CELF2: variants seen among roughly 807,000 people sequenced by gnomAD.
CELF2 encodes CUGBP Elav-like family member 2.
CELF2 carries 8 observed loss-of-function variants against 62.6 expected under a neutral mutation model. That is an observed-to-expected ratio of 0.13 (90% CI 0.07 to 0.23). The LOEUF is 0.23. Among genes scored for constraint, CELF2 ranks in the 10% least tolerant of loss-of-function variants. CELF2 has a pLI of 1.00. For missense variants in CELF2, 333 were observed against 671.0 expected, an observed-to-expected ratio of 0.50 and a Z score of 5.56; for synonymous variants, 258 against 250.0, an observed-to-expected ratio of 1.03 and a Z score of -0.30.
At chr10:10,503,215 A>T in the CELF2 span, among the ~76,000 whole-genome samples, 1,920 of 151,998 alleles carry the variant, frequency 0.013, 42 homozygotes, top group African/African-American at 0.045. Context: ...GCTGAGTGGG[A>T]TATTCTATAA....
intron 1 of CELF2, among the ~76,000 whole-genome samples, chr10:10,874,976 A>G (rs1333353907): frequency 6.6e-6 from 1 of 152,216 alleles, no homozygotes; most frequent in East Asian, 1.9e-4. Context: ...ATTAAAATTG[A>G]TCAAAGATGA....
At chr10:10,600,020 C>T in the CELF2 span, among the ~76,000 whole-genome samples, 2 of 152,148 alleles carry the variant, frequency 1.3e-5, no homozygotes, top group Non-Finnish European at 2.9e-5. Flanking sequence ...CGTGAGCCAC[C>T]GAGCCCGGCC....
At chr10:10,797,416 C>T (rs1157063453), upstream of CELF2, among the ~76,000 whole-genome samples, 1 of 151,572 alleles carries the variant, frequency 6.6e-6, no homozygotes, top group African/African-American at 2.4e-5. Context: ...AGACCTAAAT[C>T]AGAGCCTTTA....
At chr10:11,099,911 A>C (rs1418669161) in intron 1 of CELF2, among the ~76,000 whole-genome samples, 4 of 151,266 alleles carry the variant, frequency 2.6e-5, no homozygotes, top group Non-Finnish European at 4.4e-5. Flanking sequence ...AACAGAAAAA[A>C]CAGCTTAAGC....
chr10:10,656,064 A>G, the CELF2 span, among the ~76,000 whole-genome samples: 2 of 150,470 alleles, frequency 1.3e-5, no homozygotes, highest in Admixed American at 1.3e-4. Context: ...GGCGAAGGAC[A>G]TGAACAGACA....
intron 1 of CELF2, among the ~76,000 whole-genome samples, chr10:10,854,033 A>C (rs1269363430): frequency 6.6e-6 from 1 of 152,198 alleles, no homozygotes; most frequent in Non-Finnish European, 1.5e-5. Flanking sequence ...TTTCCTGTTA[A>C]ACATGAACTC....
Position 11,267,101 on chromosome 10 carries a change from C to G in CELF2, c.618+424C>G, listed in dbSNP as rs928998539. On this transcript the variant is annotated intron_variant, in intron 6 of 12. Coordinates refer to ENST00000633077, the MANE Select transcript of CELF2 (RefSeq NM_001326342.2). The surrounding 1 kb of genome is among the most constrained non-coding windows in gnomAD (Gnocchi z 4.4). ...CCTGTGCTAAGTCCCAGGGTTCTTTCGTTTGTACAGGGTCAAGTTATCTTC... is the reference window on the plus strand; with the variant it reads ...CCTGTGCTAAGTCCCAGGGTTCTTTGGTTTGTACAGGGTCAAGTTATCTTC... Among the ~76,000 whole-genome samples the G allele has an allele frequency of 6.6e-6, 1 of 152,202 alleles. No homozygotes were observed. Among genetic ancestry groups the G allele is most frequent in the East Asian group, 1.9e-4 (1 of 5,204 alleles).
At chr10:10,500,454 C>G in the CELF2 span, among the ~76,000 whole-genome samples, 1 of 152,132 alleles carries the variant, frequency 6.6e-6, no homozygotes, top group Non-Finnish European at 1.5e-5. Flanking sequence ...CTTTCCTGTG[C>G]TGCTCTCATG....
chr10:11,234,431 C>T (rs571979270), intron 3 of CELF2, among the ~76,000 whole-genome samples: 244 of 152,212 alleles, frequency 1.6e-3, no homozygotes, highest in Admixed American at 5.5e-3. Context: ...GCCTATAATC[C>T]CAGGACTTTG....
the CELF2 span, among the ~76,000 whole-genome samples, chr10:10,769,214 A>G: frequency 1.3e-5 from 2 of 152,178 alleles, no homozygotes; most frequent in Non-Finnish European, 2.9e-5. Context: ...CTCAAAGTCT[A>G]TCAGGCGAGA....
chr10:10,992,014 A>T (rs371586480), intron 2 of CELF2, among the ~76,000 whole-genome samples: 15 of 152,326 alleles, frequency 9.8e-5, no homozygotes, highest in South Asian at 8.3e-4. Flanking sequence ...GTACCTTAAT[A>T]GGCATTGGGA....
intron 1 of CELF2, among the ~76,000 whole-genome samples, chr10:10,907,560 CATGAG>C (rs2063448165): frequency 6.6e-6 from 1 of 152,212 alleles, no homozygotes; most frequent in African/African-American, 2.4e-5. Flanking sequence ...CACCCACACT[CATGAG>C]ATGAGGTATC....
rs778636330 is a variant in CELF2, at chr10:10,947,347, T to C, written c.89+27348T>C. ...GATTGGGCACAGATGGGAGGCAGGGTTATTTACCATTTTACTCTCCCTCCC... is the reference window on the plus strand; with the variant it reads ...GATTGGGCACAGATGGGAGGCAGGGCTATTTACCATTTTACTCTCCCTCCC... On this transcript the variant is annotated intron_variant, in intron 2 of 13. Transcript: ENST00000636488. The surrounding 1 kb of genome is among the most constrained non-coding windows in gnomAD (Gnocchi z 4.1). The C allele has an allele frequency of 6.6e-6, 1 of 152,616 alleles. No homozygotes were observed. Among genetic ancestry groups the C allele is most frequent in the Non-Finnish European group, 1.5e-5 (1 of 68,030 alleles). 9.5% of individuals were successfully genotyped at this position (152,616 alleles called of 1,614,324 possible).
intron 2 of CELF2, among the ~76,000 whole-genome samples, chr10:10,923,468 A>T (rs563708880): frequency 1.3e-5 from 2 of 152,316 alleles, no homozygotes; most frequent in Non-Finnish European, 2.9e-5. Flanking sequence ...TTCTGTGAAA[A>T]TGTGCGCATG....
At chr10:11,069,843 C>G (rs1480501973) in intron 1 of CELF2, among the ~76,000 whole-genome samples, 1 of 152,196 alleles carries the variant, frequency 6.6e-6, no homozygotes, top group East Asian at 1.9e-4. Context: ...GATCATGCAG[C>G]TACGAAAAGA....
At chr10:10,491,734 T>C in the CELF2 span, among the ~76,000 whole-genome samples, 2 of 152,342 alleles carry the variant, frequency 1.3e-5, no homozygotes, top group East Asian at 3.9e-4. Flanking sequence ...GTCAATTCAG[T>C]TAAGCCACAT....
intron 1 of CELF2, among the ~76,000 whole-genome samples, chr10:11,124,233 C>T (rs142203356): frequency 5.9e-5 from 9 of 152,202 alleles, no homozygotes; most frequent in African/African-American, 2.2e-4. Flanking sequence ...TATCACTCTC[C>T]CTCTGTCTCT....
At chr10:10,835,792 A>G (rs2058240871) in intron 1 of CELF2, among the ~76,000 whole-genome samples, 1 of 152,196 alleles carries the variant, frequency 6.6e-6, no homozygotes. Context: ...TCATGATTTC[A>G]TGGGGGACAC....
intron 1 of CELF2, among the ~76,000 whole-genome samples, chr10:11,029,254 G>T (rs556327670): frequency 6.6e-6 from 1 of 152,186 alleles, no homozygotes; most frequent in Non-Finnish European, 1.5e-5. Context: ...CAGCTGCAGG[G>T]TGTGTCCTGG....
Sources: gnomAD v4.1 joint callset for allele counts (sites outside exome capture counted in the v4.1 genomes callset) on GRCh38, gnomAD v4.1.1 for gene constraint, Gnocchi (gnomAD v3.1) non-coding constraint, MANE v1.5 for transcripts, NCBI Gene and HGNC (gene_info 2026-07-23, HGNC 2026-07-21) for gene names.